The following PDGFC variants were observed in gnomAD, a reference collection of about 807,000 sequenced individuals.
PDGFC encodes the protein platelet-derived growth factor C.
A neutral mutation model predicts 35.5 loss-of-function variants in PDGFC; 12 were observed. That is an observed-to-expected ratio of 0.34 (90% CI 0.22 to 0.55). The LOEUF is 0.55. Ranked by LOEUF, PDGFC falls within the 20% of genes least tolerant of loss-of-function variation. The probability of loss-of-function intolerance (pLI) is 0.91; values close to 1 mark genes in which losing one functional copy is unlikely to be tolerated. For synonymous variants in PDGFC, 159 were observed against 148.8 expected (o/e 1.07, Z -0.50); for missense variants, 322 against 412.4 (o/e 0.78, Z 1.90).
At chr4:156,871,314 T>C (rs60319378) in intron 1 of PDGFC, among the ~76,000 whole-genome samples, 4,827 of 151,548 alleles carry the variant, frequency 0.032, 203 homozygotes, top group East Asian at 0.14. Flanking sequence ...GATTTATTTT[T>C]CCCCCCCTGG....
At chr4:156,846,369 T>C (rs1388067445) in intron 2 of PDGFC, among the ~76,000 whole-genome samples, 1 of 151,706 alleles carries the variant, frequency 6.6e-6, no homozygotes, top group African/African-American at 2.4e-5. Flanking sequence ...GACCTAATTA[T>C]GAAGAAATAT....
chr4:156,922,182 G>GTGTGTA (rs1731300993), intron 1 of PDGFC, among the ~76,000 whole-genome samples: 1 of 151,506 alleles, frequency 6.6e-6, no homozygotes, highest in Admixed American at 6.6e-5. Flanking sequence ...GTGTGTGTGT[G>GTGTGTA]TGTGTGTGTG....
At chr4:156,943,351 T>C (rs1377797722) in intron 1 of PDGFC, among the ~76,000 whole-genome samples, 5 of 152,106 alleles carry the variant, frequency 3.3e-5, no homozygotes, top group Non-Finnish European at 7.4e-5. Flanking sequence ...TAAATCTATT[T>C]TCATATGTCC....
At chr4:156,794,036 T>C (rs1356529011) in intron 3 of PDGFC, among the ~76,000 whole-genome samples, 1 of 152,184 alleles carries the variant, frequency 6.6e-6, no homozygotes, top group African/African-American at 2.4e-5. Flanking sequence ...TTAACATGGA[T>C]GATATAATTT....
At chr4:156,877,556 CA>C (rs1560853395) in intron 1 of PDGFC, among the ~76,000 whole-genome samples, 1 of 152,120 alleles carries the variant, frequency 6.6e-6, no homozygotes, top group East Asian at 1.9e-4. Flanking sequence ...TATATTAAAT[CA>C]AGTACCAGTA....
intron 1 of PDGFC, 29 bp from the exon 2 acceptor site, chr4:156,850,445 A>G (rs1434552149): frequency 7.4e-7 from 1 of 1,344,668 alleles, no homozygotes; most frequent in Non-Finnish European, 1.0e-6. Context: ...ACATAGACAT[A>G]CATTTAGATT....
chr4:156,850,771 A>G (rs895684236), intron 1 of PDGFC, among the ~76,000 whole-genome samples: 1 of 151,830 alleles, frequency 6.6e-6, no homozygotes, highest in Non-Finnish European at 1.5e-5. Context: ...TAGAATAAAA[A>G]TACACTAGAT....
At chr4:156,926,943 C>T (rs2110862518) in intron 1 of PDGFC, among the ~76,000 whole-genome samples, 1 of 152,304 alleles carries the variant, frequency 6.6e-6, no homozygotes, top group Non-Finnish European at 1.5e-5. Flanking sequence ...ATGACAGCCC[C>T]ACCCCTGCAG....
Position 156,970,882 on chromosome 4 carries a change from G to A in PDGFC, c.22C>T (p.Leu8=). Residue 8 remains leucine (L), a synonymous_variant, in exon 1 of 6, where the codon CTG becomes TTG. Coordinates refer to ENST00000502773, the MANE Select transcript of PDGFC (RefSeq NM_016205.3). ...TGGCCGGCCAGGGCAGATGTCAGCA[G>A]GAGAAGCCCGAAGAGGCTCATTTGG... MSLFGLL[L]LTSALAGQRQ... is the part of the protein sequence containing the mutation. The A allele has an allele frequency of 6.2e-7, 1 of 1,613,548 alleles. No individual in the cohort carries two copies. The highest frequency in any genetic ancestry group is 8.5e-7 in the Non-Finnish European group (1 of 1,179,548).
At chr4:156,929,587 C>T (rs919143592) in intron 1 of PDGFC, among the ~76,000 whole-genome samples, 1 of 152,162 alleles carries the variant, frequency 6.6e-6, no homozygotes, top group African/African-American at 2.4e-5. Flanking sequence ...TATACCAAAA[C>T]ACAAAAGAGT....
intron 2 of PDGFC, among the ~76,000 whole-genome samples, chr4:156,813,571 A>C (rs544687299): frequency 1.5e-4 from 23 of 152,220 alleles, no homozygotes; most frequent in Non-Finnish European, 3.2e-4. Flanking sequence ...CAAGAAGTAC[A>C]ATACATAAGA....
At chr4:156,946,375 C>T (rs1036066952) in intron 1 of PDGFC, among the ~76,000 whole-genome samples, 3 of 151,902 alleles carry the variant, frequency 2.0e-5, no homozygotes, top group African/African-American at 4.8e-5. Context: ...CCCACTTTAA[C>T]GTATACTATA....
Position 156,762,872 on chromosome 4 carries a change from C to A in PDGFC, c.*218G>T, listed in dbSNP as rs986764699. On this transcript the variant is annotated 3_prime_UTR_variant, in exon 6 of 6. Transcript: ENST00000502773. ...TAATTTTCTTTCCACGATTGAAGAC[C>A]TTTTCTCCTGTCCTTTAGGCCTCCT... 6.4e-6 allele frequency: 3 copies of A among 471,320 alleles called. No individual in the cohort carries two copies. Among genetic ancestry groups the A allele is most frequent in the African/African-American group, 5.8e-5 (3 of 51,878 alleles). 29.2% of individuals were successfully genotyped at this position (471,320 alleles called of 1,614,324 possible). A position where few individuals can be genotyped will look rare whatever the true frequency, so the allele number is the denominator to read the frequency against.
At chr4:156,832,030 C>G (rs1283981493) in intron 2 of PDGFC, among the ~76,000 whole-genome samples, 1 of 151,948 alleles carries the variant, frequency 6.6e-6, no homozygotes, top group African/African-American at 2.4e-5. Context: ...ATAGTTTTCT[C>G]TTTTAAAATT....
chr4:156,951,244 T>C (rs550874008), intron 1 of PDGFC, among the ~76,000 whole-genome samples: 2 of 152,004 alleles, frequency 1.3e-5, no homozygotes, highest in Non-Finnish European at 2.9e-5. Context: ...ACAACGCTCG[T>C]GATCACAACA....
intron 3 of PDGFC, among the ~76,000 whole-genome samples, chr4:156,781,625 A>G (rs555380024): frequency 1.3e-5 from 2 of 152,092 alleles, no homozygotes; most frequent in South Asian, 4.1e-4. Flanking sequence ...GTCAGAAGGC[A>G]CTCACTAACT....
rs902283916 is a variant in PDGFC at position 156,970,851 on chromosome 4, T to G, written c.53A>C (p.Gln18Pro). The G allele has an allele frequency of 1.2e-6, 2 of 1,614,056 alleles. No individual in the cohort carries two copies. Among genetic ancestry groups the G allele is most frequent in the Admixed American group, 1.7e-5 (1 of 60,012 alleles). Residue 18 changes from glutamine (Q) to proline (P), a missense_variant, in exon 1 of 6, where the codon CAG becomes CCG. Physicochemically the swap from Gln to Pro is moderately conservative, Grantham distance 76 (BLOSUM62 -1). Coordinates refer to ENST00000502773, the MANE Select transcript of PDGFC (RefSeq NM_016205.3). ...LLTSALAGQR[Q>P]GTQAESNLSS... ...CAGGTTGGATTCCGCCTGAGTCCCC[T>G]GTCTCTGGCCGGCCAGGGCAGATGT... is the stretch of plus-strand genomic sequence containing the variant.
intron 3 of PDGFC, among the ~76,000 whole-genome samples, chr4:156,810,475 C>T (rs1731903077): frequency 6.6e-6 from 1 of 151,962 alleles, no homozygotes; most frequent in Non-Finnish European, 1.5e-5. Context: ...TTGTCATTTT[C>T]AAAATTCAGT....
chr4:156,833,188 C>G (rs1323295371), intron 2 of PDGFC, among the ~76,000 whole-genome samples: 1 of 152,236 alleles, frequency 6.6e-6, no homozygotes, highest in Admixed American at 6.5e-5. Context: ...CTTCACAACA[C>G]AGCATTTAAT....
Sources: allele counts gnomAD v4.1 joint callset (sites outside exome capture counted in the v4.1 genomes callset), GRCh38; gene constraint gnomAD v4.1.1; transcripts MANE v1.5; gene names NCBI Gene and HGNC (gene_info 2026-07-23, HGNC 2026-07-21).